INTS6: variants seen among roughly 807,000 people sequenced by gnomAD.
The protein encoded by INTS6 is integrator complex subunit 6.
Under a neutral mutation model 104.9 loss-of-function variants are expected in INTS6, and 16 were observed. That is an observed-to-expected ratio of 0.15 (90% CI 0.10 to 0.23). The LOEUF (loss-of-function observed/expected upper bound fraction) is 0.23, where lower values mean the gene tolerates loss of function less well. Among genes scored for constraint, INTS6 ranks in the 10% least tolerant of loss-of-function variants. The probability of loss-of-function intolerance (pLI) is 1.00; values close to 1 mark genes in which losing one functional copy is unlikely to be tolerated. For missense variants in INTS6, 584 were observed against 1,062.8 expected, an observed-to-expected ratio of 0.55 and a Z score of 6.26; for synonymous variants, 324 against 358.7, an observed-to-expected ratio of 0.90 and a Z score of 1.09.
At chr13:51,347,179 C>T in the INTS6 span, 1 of 1,614,020 alleles carries the variant, frequency 6.2e-7, no homozygotes, top group Non-Finnish European at 8.5e-7. Flanking sequence ...TCACCTGTGC[C>T]TATGGCCTCG....
Position 51,416,794 on chromosome 13 carries a change from C to A in INTS6, c.429+13500G>T, listed in dbSNP as rs139346183. 4.5e-4 allele frequency among the ~76,000 whole-genome samples: 68 copies of A among 152,286 alleles called. 1 individual carries two copies. In the Middle Eastern group the frequency reaches 0.01, roughly 23 times the overall value. On this transcript the variant is annotated intron_variant, in intron 4 of 17. Transcript: ENST00000311234. ...ACTCTATGTTTAACTTTTTGAAGAA[C>A]CACCAAACTATTTCCCAAAGCAGCT...
At chr13:51,360,087 G>A (rs143842950), downstream of INTS6, among the ~76,000 whole-genome samples, 7 of 152,034 alleles carry the variant, frequency 4.6e-5, no homozygotes, top group African/African-American at 9.7e-5. Flanking sequence ...ATGGAATGCC[G>A]CATATTCTTT....
At chr13:51,396,690 G>C (rs1956344761) in intron 4 of INTS6, among the ~76,000 whole-genome samples, 1 of 152,204 alleles carries the variant, frequency 6.6e-6, no homozygotes, top group Admixed American at 6.5e-5. Context: ...GCAGGGAATA[G>C]TGGGGATATA....
At chr13:51,449,372 GAACTA>G in intron 3 of INTS6, 1 of 700,314 alleles carries the variant, frequency 1.4e-6, no homozygotes, top group Non-Finnish European at 1.8e-6. Flanking sequence ...TTATAGACAA[GAACTA>G]AAGTGTTCTC....
At chr13:51,427,718 C>T (rs1017866153) in intron 4 of INTS6, among the ~76,000 whole-genome samples, 1 of 152,092 alleles carries the variant, frequency 6.6e-6, no homozygotes, top group East Asian at 1.9e-4. Context: ...TAAGGTGCAA[C>T]GGTAATCAAT....
intron 4 of INTS6, among the ~76,000 whole-genome samples, chr13:51,429,762 T>TAAA (rs1259029104): frequency 3.1e-4 from 4 of 12,908 alleles, no homozygotes; most frequent in East Asian, 2.0e-3. Flanking sequence ...AGACTCTGTC[T>TAAA]CAAAAAAAAA....
chr13:51,431,817 G>A (rs1957096088), intron 3 of INTS6, among the ~76,000 whole-genome samples: 1 of 152,076 alleles, frequency 6.6e-6, no homozygotes, highest in South Asian at 2.1e-4. Flanking sequence ...TAAATGCATA[G>A]CAGCATTAAA....
At chr13:51,408,294 C>T (rs1411175030) in intron 4 of INTS6, among the ~76,000 whole-genome samples, 1 of 151,834 alleles carries the variant, frequency 6.6e-6, no homozygotes, top group East Asian at 2.0e-4. Flanking sequence ...CAGGCGCCTG[C>T]CACCATGCCC....
chr13:51,431,592 A>C (rs1957091281), intron 3 of INTS6, among the ~76,000 whole-genome samples: 1 of 152,166 alleles, frequency 6.6e-6, no homozygotes, highest in African/African-American at 2.4e-5. Flanking sequence ...CGCAATATTT[A>C]TTGAATGAAT....
the INTS6 span, chr13:51,347,211 A>T: frequency 3.3e-5 from 53 of 1,613,724 alleles, no homozygotes; most frequent in Non-Finnish European, 4.3e-5. Flanking sequence ...CCCATGATGC[A>T]CCAAACGACC....
chr13:51,408,755 A>T (rs1355659827), intron 4 of INTS6, among the ~76,000 whole-genome samples: 1 of 152,198 alleles, frequency 6.6e-6, no homozygotes, highest in Non-Finnish European at 1.5e-5. Flanking sequence ...AAGTTAAGAG[A>T]CTGATAATTC....
chr13:51,347,119 A>C, the INTS6 span: 1 of 1,612,898 alleles, frequency 6.2e-7, no homozygotes. Context: ...TGTCCTTCCA[A>C]GGCACTTGGC....
chr13:51,429,116 T>C (rs1047476539), intron 4 of INTS6, among the ~76,000 whole-genome samples: 3 of 152,224 alleles, frequency 2.0e-5, no homozygotes, highest in Non-Finnish European at 4.4e-5. Flanking sequence ...CAAAGTTTAC[T>C]GCTAGAAAGT....
At chr13:51,370,073 C>T (rs113807573) in intron 15 of INTS6, among the ~76,000 whole-genome samples, 1,729 of 152,210 alleles carry the variant, frequency 0.011, 25 homozygotes, top group East Asian at 0.071. Flanking sequence ...CTTAGTTTAC[C>T]CATATTCCCC....
At chr13:51,398,441 A>G (rs1303824975) in intron 4 of INTS6, among the ~76,000 whole-genome samples, 2 of 152,132 alleles carry the variant, frequency 1.3e-5, no homozygotes, top group African/African-American at 4.8e-5. Context: ...CATATGACCT[A>G]TAAACATGTA....
At chr13:51,370,457 C>T (rs1214385702) in intron 15 of INTS6, among the ~76,000 whole-genome samples, 1 of 152,298 alleles carries the variant, frequency 6.6e-6, no homozygotes, top group Non-Finnish European at 1.5e-5. Flanking sequence ...AGTTCATAGC[C>T]TTCCTTCTGT....
chr13:51,428,616 G>T (rs1193976037), intron 4 of INTS6, among the ~76,000 whole-genome samples: 1 of 151,866 alleles, frequency 6.6e-6, no homozygotes, highest in Admixed American at 6.6e-5. Flanking sequence ...GAACCACCAC[G>T]CCCGGCTAAA....
At chr13:51,426,792 T>C (rs1391658095) in intron 4 of INTS6, among the ~76,000 whole-genome samples, 1 of 151,722 alleles carries the variant, frequency 6.6e-6, no homozygotes, top group Non-Finnish European at 1.5e-5. Context: ...AAATAAGAAA[T>C]CAGATAAATA....
intron 7 of INTS6, chr13:51,383,956 AG>A: frequency 2.8e-6 from 1 of 351,552 alleles, no homozygotes; most frequent in Non-Finnish European, 5.1e-6. Flanking sequence ...GAAAATCTAT[AG>A]AAATGAAAAT....
Sources: allele counts gnomAD v4.1 joint callset (sites outside exome capture counted in the v4.1 genomes callset), GRCh38; gene constraint gnomAD v4.1.1; transcripts MANE v1.5; gene names NCBI Gene and HGNC (gene_info 2026-07-23, HGNC 2026-07-21).